The following ATP9B variants were observed in gnomAD, a reference collection of about 807,000 sequenced individuals.
ATP9B encodes the protein probable phospholipid-transporting ATPase IIB.
Under a neutral mutation model 146.1 loss-of-function variants are expected in ATP9B, and 110 were observed. The ratio of observed to expected loss-of-function variants is 0.75; its 90% CI spans 0.65 to 0.88. ATP9B has a LOEUF of 0.88. Among genes scored for constraint, ATP9B ranks in the 40% least tolerant of loss-of-function variants. The pLI is 0.00. For missense variants in ATP9B, 1,499 were observed against 1,496.4 expected (o/e 1.00, Z -0.03); for synonymous variants, 604 against 569.7 (o/e 1.06, Z -0.86).
At chr18:79,109,840 A>G (rs2146970339) in intron 2 of ATP9B, among the ~76,000 whole-genome samples, 1 of 152,272 alleles carries the variant, frequency 6.6e-6, no homozygotes, top group South Asian at 2.1e-4. Context: ...TGCTGGGATT[A>G]CCGATGTGAG....
At chr18:79,249,063 C>T (rs980417031) in intron 11 of ATP9B, among the ~76,000 whole-genome samples, 5 of 150,120 alleles carry the variant, frequency 3.3e-5, no homozygotes, top group African/African-American at 1.2e-4. Context: ...GATTCTCACT[C>T]GTCCGAGCAT....
At chr18:79,154,884 A>G (rs570015480) in intron 7 of ATP9B, among the ~76,000 whole-genome samples, 1 of 152,368 alleles carries the variant, frequency 6.6e-6, no homozygotes, top group South Asian at 2.1e-4. Context: ...ATGACAGTAT[A>G]TTGAATTCAT....
At chr18:79,252,419 C>G (rs1022391069) in intron 11 of ATP9B, among the ~76,000 whole-genome samples, 6 of 90,828 alleles carry the variant, frequency 6.6e-5, no homozygotes, top group African/African-American at 3.2e-4. Flanking sequence ...CCTGCAGCGC[C>G]GAGTTCCCTC....
At chr18:79,173,432 GTTT>G in intron 7 of ATP9B, among the ~76,000 whole-genome samples, 1 of 140,394 alleles carries the variant, frequency 7.1e-6, no homozygotes. Flanking sequence ...TCTTGTGGTG[GTTT>G]TTTTTTTTTG....
chr18:79,192,680 T>G (rs1317595194), intron 8 of ATP9B, among the ~76,000 whole-genome samples: 2 of 152,322 alleles, frequency 1.3e-5, no homozygotes, highest in African/African-American at 2.4e-5. Flanking sequence ...GAGCATGTGA[T>G]TCAGACACAC....
At chr18:79,163,527 C>T (rs2094914850) in intron 7 of ATP9B, among the ~76,000 whole-genome samples, 2 of 151,982 alleles carry the variant, frequency 1.3e-5, no homozygotes, top group South Asian at 2.1e-4. Context: ...GTCCATTTTA[C>T]GTTACTTTAA....
At chr18:79,323,565 C>T (rs892689535) in intron 15 of ATP9B, among the ~76,000 whole-genome samples, 1 of 152,186 alleles carries the variant, frequency 6.6e-6, no homozygotes, top group East Asian at 1.9e-4. Flanking sequence ...CAGTGTTTGT[C>T]TTTCTGTGCC....
chr18:79,329,215 G>T lies in ATP9B; in HGVS notation c.1848G>T (p.Lys616Asn). 4 of 1,612,780 alleles carry T rather than the reference G, an allele frequency of 2.5e-6. No individual in the cohort carries two copies. Among genetic ancestry groups the T allele is most frequent in the Non-Finnish European group, 3.4e-6 (4 of 1,179,868 alleles). Reference protein sequence around the residue: ...VSRDLTSMQLKTPSGQVLSFC... With the variant: ...VSRDLTSMQLNTPSGQVLSFC... ...GGGACCTCACCTCCATGCAGCTGAA[G>T]ACCCCCAGTGGCCAGGTCCTCAGCT... Residue 616 changes from lysine (K) to asparagine (N), a missense_variant, in exon 16 of 30, where the codon AAG (lysine) becomes AAT (asparagine). Coordinates refer to ENST00000426216, the MANE Select transcript of ATP9B (RefSeq NM_198531.5).
chr18:79,157,937 G>C (rs1225191325), intron 7 of ATP9B, among the ~76,000 whole-genome samples: 1 of 151,978 alleles, frequency 6.6e-6, no homozygotes, highest in African/African-American at 2.4e-5. Context: ...TGTCAATCTT[G>C]TTGATCTTTT....
intron 25 of ATP9B, chr18:79,354,534 A>G (rs2096939130): frequency 7.7e-6 from 1 of 130,402 alleles, no homozygotes; most frequent in Non-Finnish European, 1.5e-5. Context: ...GCACCATTGT[A>G]CTCCAGCCTG....
At chr18:79,316,495 A>G (rs181649438) in intron 15 of ATP9B, among the ~76,000 whole-genome samples, 6 of 152,166 alleles carry the variant, frequency 3.9e-5, no homozygotes, top group Admixed American at 3.9e-4. Context: ...CCAACCAAAG[A>G]CTGCAAATAA....
intron 8 of ATP9B, among the ~76,000 whole-genome samples, chr18:79,183,792 TAAA>T (rs56149975): frequency 6.9e-6 from 1 of 144,004 alleles, no homozygotes; most frequent in Non-Finnish European, 1.5e-5. Flanking sequence ...AGTTTAAAGT[TAAA>T]AAAAAAAAAA....
At position 79,110,336 on chromosome 18, in the gene ATP9B, T is replaced by A. The variant is rs973065809; in HGVS notation, c.294-19T>A. On this transcript the variant is annotated intron_variant, in intron 2 of 29. Transcript: ENST00000426216. ...AAAGCAAAAAAAAATACACAATACG[T>A]ATCTTTTGTTTCATACAGTTGCTGT... The A allele has an allele frequency of 7.1e-6, 11 of 1,546,910 alleles. No individual in the cohort carries two copies. The Admixed American group carries it at 2.1e-4, about 29-fold the overall frequency.
intron 12 of ATP9B, among the ~76,000 whole-genome samples, chr18:79,263,339 C>T (rs1186019375): frequency 1.3e-5 from 2 of 152,156 alleles, no homozygotes; most frequent in Non-Finnish European, 2.9e-5. Flanking sequence ...ACAAGTGGAC[C>T]CTCCATGTCT....
At chr18:79,163,004 G>C (rs551489292) in intron 7 of ATP9B, among the ~76,000 whole-genome samples, 27 of 152,292 alleles carry the variant, frequency 1.8e-4, no homozygotes, top group Admixed American at 1.6e-3. Context: ...ATAAAATCAA[G>C]TATTCATAAG....
chr18:79,110,239 A>G (rs766236333), intron 2 of ATP9B, 116 bp from the exon 3 acceptor site: 173 of 964,970 alleles, frequency 1.8e-4, no homozygotes, highest in Non-Finnish European at 2.2e-4. Context: ...TAGGTGTGCT[A>G]TTAGTGTGTG....
chr18:79,250,823 G>GC (rs1391020433), intron 11 of ATP9B, among the ~76,000 whole-genome samples: 1 of 152,198 alleles, frequency 6.6e-6, no homozygotes, highest in Admixed American at 6.5e-5. Context: ...ATCTGGGGGA[G>GC]CGGCGCTGTT....
At chr18:79,103,435 A>C (rs918587267) in intron 2 of ATP9B, among the ~76,000 whole-genome samples, 1 of 152,114 alleles carries the variant, frequency 6.6e-6, no homozygotes, top group African/African-American at 2.4e-5. Context: ...ACACAGAAGG[A>C]TGATGTTCTT....
At chr18:79,184,975 T>A (rs1419715950) in intron 8 of ATP9B, among the ~76,000 whole-genome samples, 3 of 121,018 alleles carry the variant, frequency 2.5e-5, no homozygotes, top group Non-Finnish European at 4.8e-5. Flanking sequence ...TTAGAAAAAA[T>A]TTGTCTGAAA....
Sources: allele counts gnomAD v4.1 joint callset (sites outside exome capture counted in the v4.1 genomes callset), GRCh38; gene constraint gnomAD v4.1.1; transcripts MANE v1.5; gene names NCBI Gene and HGNC (gene_info 2026-07-23, HGNC 2026-07-21).